Variants in CCNY observed in about 807,000 individuals in gnomAD.
CCNY encodes cyclin Y.
Under a neutral mutation model 42.8 loss-of-function variants are expected in CCNY, and 19 were observed. The ratio of observed to expected loss-of-function variants is 0.44; its 90% CI spans 0.31 to 0.65. The LOEUF is 0.65. Among genes scored for constraint, CCNY ranks in the 30% least tolerant of loss-of-function variants. CCNY has a pLI of 0.07. For missense variants in CCNY, 370 were observed against 437.3 expected (o/e 0.85, Z 1.37); for synonymous variants, 165 against 162.7 (o/e 1.01, Z -0.11).
intron 7 of CCNY, among the ~76,000 whole-genome samples, chr10:35,551,340 T>C (rs1841253086): frequency 6.6e-6 from 1 of 152,210 alleles, no homozygotes; most frequent in Non-Finnish European, 1.5e-5. Context: ...CATTTGGGAG[T>C]GTTGGTATCA....
At chr10:35,393,613 T>C (rs1235047374) in intron 1 of CCNY, among the ~76,000 whole-genome samples, 1 of 152,168 alleles carries the variant, frequency 6.6e-6, no homozygotes, top group African/African-American at 2.4e-5. Context: ...TCTTTTCCCT[T>C]CTCTGGCTTC....
chr10:35,355,888 C>T (rs1323840854), intron 1 of CCNY, among the ~76,000 whole-genome samples: 1 of 151,652 alleles, frequency 6.6e-6, no homozygotes, highest in African/African-American at 2.4e-5. Context: ...CCATGAACAT[C>T]TGTCAGCTTT....
At chr10:35,395,601 G>A (rs1468292348) in intron 1 of CCNY, among the ~76,000 whole-genome samples, 2 of 151,770 alleles carry the variant, frequency 1.3e-5, no homozygotes, top group African/African-American at 4.8e-5. Context: ...TGAGGAGGGG[G>A]GCAATTCAGC....
intron 1 of CCNY, among the ~76,000 whole-genome samples, chr10:35,365,352 T>C (rs1204369341): frequency 6.6e-6 from 1 of 152,242 alleles, no homozygotes; most frequent in Non-Finnish European, 1.5e-5. Flanking sequence ...GGTTGCTGTT[T>C]TTACTGCAGT....
chr10:35,355,678 C>CA (rs60257114), intron 1 of CCNY, among the ~76,000 whole-genome samples: 33,062 of 57,406 alleles, frequency 0.58, 13,374 homozygotes, highest in Non-Finnish European at 0.63. Context: ...ATACTGTCTC[C>CA]AAAAAAAAAA....
At chr10:35,396,952 A>G (rs945647062) in intron 1 of CCNY, among the ~76,000 whole-genome samples, 2 of 152,190 alleles carry the variant, frequency 1.3e-5, no homozygotes, top group African/African-American at 4.8e-5. Flanking sequence ...GGAAAATTCA[A>G]AGTACTGGAG....
intron 1 of CCNY, among the ~76,000 whole-genome samples, chr10:35,444,548 A>G (rs1235019626): frequency 2.6e-5 from 4 of 152,188 alleles, no homozygotes; most frequent in African/African-American, 7.2e-5. Flanking sequence ...GTGTCTGGCT[A>G]TAACTGTTTG....
Position 35,253,874 on chromosome 10 carries a change from GTTT to G in CCNY, c.-9+3265_-9+3267del, listed in dbSNP as rs34396120. ...AATATCCTCAACTGTTTGAGCAACT[GTTT>G]TTTTTTTTTTTTTTTTGAGACGGAG... is the stretch of plus-strand genomic sequence containing the variant. On this transcript the variant is annotated intron_variant, in intron 3 of 11. Transcript: ENST00000374706. Among the ~76,000 whole-genome samples the G allele has an allele frequency of 1.9e-3, 252 of 129,248 alleles. 1 individual carries two copies. The highest frequency in any genetic ancestry group is 3.1e-3 in the Non-Finnish European group (191 of 61,158). 84.8% of individuals were successfully genotyped at this position (129,248 alleles called of 152,430 possible).
intron 3 of CCNY, among the ~76,000 whole-genome samples, chr10:35,509,715 C>T (rs76962281): frequency 0.025 from 3,766 of 152,264 alleles, 64 homozygotes; most frequent in Middle Eastern, 0.044. Flanking sequence ...ATGGTGCTTT[C>T]CTCTCTCCCA....
intron 3 of CCNY, among the ~76,000 whole-genome samples, chr10:35,289,666 G>A (rs1835389603): frequency 6.8e-6 from 1 of 148,044 alleles, no homozygotes; most frequent in South Asian, 2.2e-4. Context: ...CTGAGGTCAT[G>A]AGTTTGAGAC....
At chr10:35,491,910 G>A (rs1187867844) in intron 2 of CCNY, among the ~76,000 whole-genome samples, 2 of 152,076 alleles carry the variant, frequency 1.3e-5, no homozygotes, top group Non-Finnish European at 2.9e-5. Context: ...GACCACGCCC[G>A]GCCTCATAAC....
chr10:35,322,580 T>C (rs982022219), intron 3 of CCNY, among the ~76,000 whole-genome samples: 1 of 152,172 alleles, frequency 6.6e-6, no homozygotes, highest in East Asian at 1.9e-4. Flanking sequence ...AGTCACAGAC[T>C]GGGAGAAAAT....
At chr10:35,492,199 G>A (rs186616543) in intron 2 of CCNY, among the ~76,000 whole-genome samples, 1 of 152,234 alleles carries the variant, frequency 6.6e-6, no homozygotes, top group African/African-American at 2.4e-5. Flanking sequence ...CTCACCACTG[G>A]AACAGTGAGA....
intron 5 of CCNY, 38 bp downstream of exon 5, chr10:35,526,037 A>G (rs747931898): frequency 1.9e-6 from 3 of 1,559,780 alleles, no homozygotes; most frequent in South Asian, 1.1e-5. Flanking sequence ...ATCATACGTT[A>G]TCTTCTGTTA....
intron 2 of CCNY, among the ~76,000 whole-genome samples, chr10:35,491,827 A>G (rs939193356): frequency 1.4e-5 from 2 of 146,310 alleles, no homozygotes; most frequent in Non-Finnish European, 3.0e-5. Context: ...GTTAGCCAGG[A>G]TGGTCTCGAT....
rs141993296 is a variant in CCNY at position 35,286,811 on chromosome 10, C to T, written c.-9+36185C>T. ...AGTCGCTGGAATTACAGGTGAGCAC[C>T]ATCAAGCCTGGCTAATTTTTGTATT... On this transcript the variant is annotated intron_variant, in intron 3 of 11. Coordinates refer to the CCNY transcript ENST00000374706. Among the ~76,000 whole-genome samples, 593 of 152,056 alleles carry T rather than the reference C, an allele frequency of 3.9e-3. 7 individuals are homozygous for T. Among genetic ancestry groups the T allele is most frequent in the African/African-American group, 0.014 (569 of 41,478 alleles).
chr10:35,452,913 C>A (rs1284564243), intron 1 of CCNY, among the ~76,000 whole-genome samples: 1 of 152,062 alleles, frequency 6.6e-6, no homozygotes, highest in African/African-American at 2.4e-5. Flanking sequence ...AACAATAAAA[C>A]CCATACCCTC....
intron 1 of CCNY, among the ~76,000 whole-genome samples, chr10:35,399,789 A>G (rs567004923): frequency 1.3e-5 from 2 of 152,318 alleles, no homozygotes; most frequent in East Asian, 3.9e-4. Context: ...AGATCCCAGT[A>G]ATATGCTCCC....
At chr10:35,253,181 C>T (rs1017089528) in intron 3 of CCNY, among the ~76,000 whole-genome samples, 2 of 152,240 alleles carry the variant, frequency 1.3e-5, no homozygotes, top group African/African-American at 2.4e-5. Context: ...ACAATGAATA[C>T]AAAGAAGTCT....
Sources: allele counts gnomAD v4.1 joint callset (sites outside exome capture counted in the v4.1 genomes callset), GRCh38; gene constraint gnomAD v4.1.1; transcripts MANE v1.5; gene names NCBI Gene and HGNC (gene_info 2026-07-23, HGNC 2026-07-21).